Variants in PTPRB observed in about 807,000 individuals in gnomAD.
The protein encoded by PTPRB is protein tyrosine phosphatase receptor type B.
In PTPRB, 97 loss-of-function variants were observed where a neutral mutation model predicts 238.1. That is an observed-to-expected ratio of 0.41 (90% CI 0.35 to 0.48). PTPRB has a LOEUF of 0.48. PTPRB is among the 20% of genes least tolerant of loss of function. The pLI is 0.30. For missense variants in PTPRB, 2,292 were observed against 2,681.9 expected (o/e 0.85, Z 3.21); for synonymous variants, 970 against 995.4 (o/e 0.97, Z 0.48).
At chr12:70,585,696 T>A (rs1360542610) in intron 9 of PTPRB, among the ~76,000 whole-genome samples, 1 of 152,104 alleles carries the variant, frequency 6.6e-6, no homozygotes, top group Non-Finnish European at 1.5e-5. Flanking sequence ...GTGCACAACA[T>A]GCAGTTTTGT....
chr12:70,623,621 A>G (rs1885045183), intron 2 of PTPRB, among the ~76,000 whole-genome samples: 1 of 152,188 alleles, frequency 6.6e-6, no homozygotes, highest in Non-Finnish European at 1.5e-5. Context: ...TCCATAGTGC[A>G]CTAGAGTTTT....
At chr12:70,553,827 G>T (rs898546513) in intron 20 of PTPRB, among the ~76,000 whole-genome samples, 2 of 152,200 alleles carry the variant, frequency 1.3e-5, no homozygotes, top group African/African-American at 4.8e-5. Flanking sequence ...AAAAAGAAAT[G>T]TTGTCTTTAG....
rs76199493 is a variant in PTPRB at position 70,592,039 on chromosome 12, C to G, written c.1780+243G>C. The G allele has an allele frequency of 6.1e-4, 341 of 560,208 alleles. 2 individuals are homozygous for G. The highest frequency in any genetic ancestry group is 5.7e-3 in the African/African-American group (306 of 53,330). The allele number at this position is 560,208 out of a possible 1,614,324, so 34.7% of individuals were successfully genotyped here. ...TGGTATCAATGCTAATGCATTTATG[C>G]TACTTAAGTGACGTGACATGAAAAA... On this transcript the variant is annotated intron_variant, in intron 7 of 33. Coordinates refer to ENST00000334414, the MANE Select transcript of PTPRB (RefSeq NM_001109754.4).
At position 70,520,001 on chromosome 12, in the gene PTPRB, A is replaced by T. The variant is rs1312903266; in HGVS notation, c.*1488T>A. The T allele has an allele frequency of 4.0e-6, 1 of 251,834 alleles. No individual in the cohort carries two copies. The highest frequency in any genetic ancestry group is 4.1e-5 in the South Asian group (1 of 24,210). 15.6% of individuals were successfully genotyped at this position (251,834 alleles called of 1,614,324 possible). On this transcript the variant is annotated 3_prime_UTR_variant, in exon 34 of 34. Coordinates refer to ENST00000334414, the MANE Select transcript of PTPRB (RefSeq NM_001109754.4). Reference sequence around the variant, plus strand: ...TTCGTTGTATTCACTTACGGACTTTATGGTAGGTTACAAAAATATATACTT... The same window carrying T: ...TTCGTTGTATTCACTTACGGACTTTTTGGTAGGTTACAAAAATATATACTT...
intron 20 of PTPRB, among the ~76,000 whole-genome samples, chr12:70,554,879 G>A (rs1250985937): frequency 6.6e-6 from 1 of 152,122 alleles, no homozygotes; most frequent in Non-Finnish European, 1.5e-5. Context: ...ACGTAGTAAG[G>A]GCTCAATAAA....
At chr12:70,534,768 A>G in intron 30 of PTPRB, 65 bp downstream of exon 30, 1 of 1,602,712 alleles carries the variant, frequency 6.2e-7, no homozygotes, top group Non-Finnish European at 8.5e-7. Context: ...AACCAGCGAA[A>G]GTGGGGTTCA....
intron 2 of PTPRB, among the ~76,000 whole-genome samples, chr12:70,624,696 T>C (rs1885098186): frequency 1.3e-5 from 2 of 152,170 alleles, no homozygotes; most frequent in Admixed American, 1.3e-4. Context: ...CTGAGTTGAC[T>C]GCTACGTATG....
chr12:70,538,967 C>T lies in PTPRB; in HGVS notation c.5826G>A (p.Leu1942=). ...ATCGATTTTTCCCTCTATTCTCCGG[C>T]AAGAGTGCAATGTCACATGACTGGT... ...GRNQSCDIAL[L]PENRGKNRYN... is the part of the protein sequence containing the mutation. Residue 1942 remains leucine (L), a synonymous_variant, in exon 27 of 34, where the codon TTG becomes TTA. Coordinates refer to ENST00000334414, the MANE Select transcript of PTPRB (RefSeq NM_001109754.4). The T allele has an allele frequency of 6.2e-7, 1 of 1,613,766 alleles. No homozygotes were observed. Among genetic ancestry groups the T allele is most frequent in the Non-Finnish European group, 8.5e-7 (1 of 1,179,824 alleles).
At chr12:70,591,916 A>AT (rs1882526897) in intron 7 of PTPRB, 1 of 259,208 alleles carries the variant, frequency 3.9e-6, no homozygotes, top group South Asian at 5.2e-5. Context: ...CACTGGATAG[A>AT]TAAGTGAGGA....
At chr12:70,635,650 G>A (rs1401429368) in intron 2 of PTPRB, 21 bp downstream of exon 2, 1 of 1,600,892 alleles carries the variant, frequency 6.2e-7, no homozygotes. Context: ...TTCAGGATTT[G>A]CTCTGAAAGG....
intron 2 of PTPRB, among the ~76,000 whole-genome samples, chr12:70,629,103 A>G (rs10506599): frequency 0.064 from 9,700 of 152,246 alleles, 349 homozygotes; most frequent in South Asian, 0.14. Context: ...TGCTAGCTAA[A>G]CTATTAATAT....
In PTPRB at chr12:70,576,353, C is replaced by A. The variant is rs778935770; in HGVS notation, c.2842+29G>T. The A allele has an allele frequency of 3.7e-6, 6 of 1,602,600 alleles. No homozygotes were observed. The South Asian group carries it at 6.8e-5, about 18-fold the overall frequency. On this transcript the variant is annotated intron_variant, in intron 11 of 33. Coordinates refer to ENST00000334414, the MANE Select transcript of PTPRB (RefSeq NM_001109754.4). ...TGAGCCACATGTGAATTGGTTCTTACGGAGCCCTGAACCTTCATACAGCCT... is the reference window on the plus strand; with the variant it reads ...TGAGCCACATGTGAATTGGTTCTTAAGGAGCCCTGAACCTTCATACAGCCT...
intron 3 of PTPRB, among the ~76,000 whole-genome samples, chr12:70,611,319 C>T (rs1316855250): frequency 6.6e-6 from 1 of 152,200 alleles, no homozygotes; most frequent in African/African-American, 2.4e-5. Flanking sequence ...GTCAGAGTCT[C>T]ACTCTGTCAC....
chr12:70,553,266 GAAATA>G (rs1166961425), intron 20 of PTPRB, among the ~76,000 whole-genome samples: 5 of 152,014 alleles, frequency 3.3e-5, no homozygotes, highest in East Asian at 1.9e-4. Flanking sequence ...ATTTTCCTAG[GAAATA>G]AAATAAGGGT....
At chr12:70,617,312 CT>C (rs1178089944) in intron 3 of PTPRB, among the ~76,000 whole-genome samples, 3 of 152,160 alleles carry the variant, frequency 2.0e-5, no homozygotes, top group Non-Finnish European at 4.4e-5. Context: ...TAGAATTAGG[CT>C]TGAAAGATGT....
At chr12:70,550,444 T>C (rs1021316767) in intron 21 of PTPRB, among the ~76,000 whole-genome samples, 3 of 152,172 alleles carry the variant, frequency 2.0e-5, no homozygotes, top group African/African-American at 4.8e-5. Flanking sequence ...CTGCTCTTGC[T>C]CTGGTAAGTG....
intron 8 of PTPRB, 24 bp from the exon 9 acceptor site, chr12:70,587,291 G>C (rs1406350750): frequency 6.2e-7 from 1 of 1,611,334 alleles, no homozygotes; most frequent in Non-Finnish European, 8.5e-7. Flanking sequence ...AATGGAGATG[G>C]GTCATTGATG....
At chr12:70,603,499 T>C (rs1282806198) in intron 4 of PTPRB, among the ~76,000 whole-genome samples, 8 of 152,220 alleles carry the variant, frequency 5.3e-5, no homozygotes, top group Admixed American at 1.3e-4. Flanking sequence ...AAAAATAATA[T>C]ACTTTTCGCA....
intron 3 of PTPRB, among the ~76,000 whole-genome samples, chr12:70,619,295 G>A (rs1884815593): frequency 6.7e-6 from 1 of 148,922 alleles, no homozygotes; most frequent in South Asian, 2.1e-4. Flanking sequence ...GGGTGGTGGT[G>A]GTGATGATGA....
Sources: gnomAD v4.1 joint callset for allele counts (sites outside exome capture counted in the v4.1 genomes callset) on GRCh38, gnomAD v4.1.1 for gene constraint, MANE v1.5 for transcripts, NCBI Gene and HGNC (gene_info 2026-07-23, HGNC 2026-07-21) for gene names.